CDK5RAP2: variants seen among roughly 807,000 people sequenced by gnomAD.
CDK5RAP2 encodes CDK5 regulatory subunit-associated protein 2.
CDK5RAP2 carries 147 observed loss-of-function variants against 232.9 expected under a neutral mutation model. That is an observed-to-expected ratio of 0.63 (90% CI 0.55 to 0.72). The LOEUF (loss-of-function observed/expected upper bound fraction) is 0.72. CDK5RAP2 is among the 30% of genes least tolerant of loss of function. The probability of loss-of-function intolerance (pLI) is 0.00; values close to 1 mark genes in which losing one functional copy is unlikely to be tolerated. For missense variants in CDK5RAP2, 2,195 were observed against 2,231.5 expected (o/e 0.98, Z 0.33); for synonymous variants, 833 against 833.7 (o/e 1.00, Z 0.01).
intron 17 of CDK5RAP2, among the ~76,000 whole-genome samples, chr9:120,469,088 C>T (rs1474385699): frequency 6.6e-6 from 1 of 152,148 alleles, no homozygotes; most frequent in Non-Finnish European, 1.5e-5. Context: ...CTATTTTCTT[C>T]ATCTTTAAAA....
At chr9:120,391,083 TG>T (rs2031918309) in intron 36 of CDK5RAP2, among the ~76,000 whole-genome samples, 1 of 151,872 alleles carries the variant, frequency 6.6e-6, no homozygotes. Context: ...TGTGTGCAAA[TG>T]GGGGTATGTA....
At chr9:120,409,434 AT>A (rs2033708714) in intron 29 of CDK5RAP2, 118 bp from the exon 30 acceptor site, 1 of 809,380 alleles carries the variant, frequency 1.2e-6, no homozygotes, top group Non-Finnish European at 2.0e-6. Flanking sequence ...GGCATTTATG[AT>A]TTTGGCATTC....
rs112504098 is a variant in CDK5RAP2, at chr9:120,518,335, T to C, written c.1311+92A>G. On this transcript the variant is annotated intron_variant, in intron 12 of 37. Transcript: ENST00000349780. Reference sequence around the variant, plus strand: ...ATAATAAGTGAAATATTTTCTTAAGTCTTCTGTACTGAATATCACCCTACA... The same window carrying C: ...ATAATAAGTGAAATATTTTCTTAAGCCTTCTGTACTGAATATCACCCTACA... The C allele has an allele frequency of 6.7e-4, 663 of 988,076 alleles. 2 individuals are homozygous for C. In the African/African-American group the frequency reaches 9.2e-3, roughly 14 times the overall value. The allele number at this position is 988,076 out of a possible 1,614,324, so 61.2% of individuals were successfully genotyped here.
intron 11 of CDK5RAP2, among the ~76,000 whole-genome samples, chr9:120,522,302 A>T (rs2131865706): frequency 6.6e-6 from 1 of 152,368 alleles, no homozygotes; most frequent in Middle Eastern, 3.4e-3. Context: ...AAAGAATATA[A>T]AGGATGTATA....
chr9:120,426,536 G>C (rs560685709), intron 25 of CDK5RAP2, among the ~76,000 whole-genome samples: 15 of 152,274 alleles, frequency 9.9e-5, no homozygotes, highest in African/African-American at 3.1e-4. Context: ...GTTAAGCTAA[G>C]GGGTTACAGA....
At chr9:120,568,653 G>A (rs2042734838) in intron 2 of CDK5RAP2, among the ~76,000 whole-genome samples, 1 of 152,178 alleles carries the variant, frequency 6.6e-6, no homozygotes, top group Non-Finnish European at 1.5e-5. Context: ...TTGCAAAGCA[G>A]ACTGTCCTGA....
At chr9:120,511,906 T>A (rs1415219015) in intron 12 of CDK5RAP2, among the ~76,000 whole-genome samples, 1 of 151,978 alleles carries the variant, frequency 6.6e-6, no homozygotes, top group Non-Finnish European at 1.5e-5. Context: ...CCCAGCTAAT[T>A]TTTGTATTTT....
chr9:120,493,307 G>A (rs2038997034), intron 12 of CDK5RAP2, among the ~76,000 whole-genome samples: 1 of 152,196 alleles, frequency 6.6e-6, no homozygotes, highest in African/African-American at 2.4e-5. Flanking sequence ...CAAGTTTGTG[G>A]TAATTTGTTG....
At chr9:120,533,467 T>A (rs7867825) in intron 7 of CDK5RAP2, among the ~76,000 whole-genome samples, 127,880 of 151,964 alleles carry the variant, frequency 0.84, 54,842 homozygotes, top group Non-Finnish European at 0.93. Flanking sequence ...CCCAACAAAA[T>A]TCAATAAATT....
At chr9:120,418,297 A>G (rs561076273) in intron 27 of CDK5RAP2, among the ~76,000 whole-genome samples, 1 of 152,346 alleles carries the variant, frequency 6.6e-6, no homozygotes, top group East Asian at 1.9e-4. Flanking sequence ...AAGGTTCTAC[A>G]TTAGAAATAG....
chr9:120,469,864 T>C (rs1484313286), intron 17 of CDK5RAP2, among the ~76,000 whole-genome samples: 1 of 152,072 alleles, frequency 6.6e-6, no homozygotes, highest in Non-Finnish European at 1.5e-5. Flanking sequence ...AACTCTAAAC[T>C]GAGGGGCCAG....
intron 27 of CDK5RAP2, among the ~76,000 whole-genome samples, chr9:120,415,905 A>C (rs898701786): frequency 6.6e-6 from 1 of 152,220 alleles, no homozygotes; most frequent in Non-Finnish European, 1.5e-5. Context: ...CTCCAAATGT[A>C]ACTGTAGTAC....
chr9:120,443,310 C>T (rs2036001246), intron 23 of CDK5RAP2, among the ~76,000 whole-genome samples: 1 of 152,148 alleles, frequency 6.6e-6, no homozygotes, highest in Non-Finnish European at 1.5e-5. Flanking sequence ...GCTGTGGGGT[C>T]CCTAAGAGCA....
rs192940910 is a variant in CDK5RAP2 at position 120,516,522 on chromosome 9, A to T, written c.1311+1905T>A. 7.1e-3 allele frequency among the ~76,000 whole-genome samples: 1,070 copies of T among 151,772 alleles called. 7 individuals are homozygous for T. Among genetic ancestry groups the T allele is most frequent in the Non-Finnish European group, 9.3e-3 (632 of 67,952 alleles). ...CCTAAAACTTAAAGTATAATAATAAAAAATAAAAAATAAAAAATTTTGGCT... is the reference window on the plus strand; with the variant it reads ...CCTAAAACTTAAAGTATAATAATAATAAATAAAAAATAAAAAATTTTGGCT... On this transcript the variant is annotated intron_variant, in intron 12 of 37. Transcript: ENST00000349780.
intron 25 of CDK5RAP2, among the ~76,000 whole-genome samples, chr9:120,423,097 C>T (rs961300399): frequency 6.6e-5 from 10 of 152,212 alleles, no homozygotes; most frequent in African/African-American, 2.2e-4. Flanking sequence ...GGCACTCCCA[C>T]AGCCAAGTTA....
intron 35 of CDK5RAP2, among the ~76,000 whole-genome samples, chr9:120,397,517 C>A (rs2032585444): frequency 7.6e-6 from 1 of 131,484 alleles, no homozygotes; most frequent in Non-Finnish European, 1.5e-5. Context: ...CAGGCATGAG[C>A]CACCATCCCG....
At chr9:120,449,184 G>A (rs925680341) in intron 21 of CDK5RAP2, among the ~76,000 whole-genome samples, 1 of 151,964 alleles carries the variant, frequency 6.6e-6, no homozygotes, top group Non-Finnish European at 1.5e-5. Context: ...TCTACCTCAG[G>A]ACCTTAGCAT....
At chr9:120,502,717 T>C (rs573185646) in intron 12 of CDK5RAP2, among the ~76,000 whole-genome samples, 3 of 152,330 alleles carry the variant, frequency 2.0e-5, no homozygotes, top group African/African-American at 4.8e-5. Context: ...CTAAGGTCCA[T>C]TGACTGGGCC....
intron 15 of CDK5RAP2, among the ~76,000 whole-genome samples, chr9:120,476,981 A>T (rs78810567): frequency 0.021 from 3,133 of 152,248 alleles, 41 homozygotes; most frequent in Non-Finnish European, 0.034. Context: ...AGTTTTCATG[A>T]CCTTATAGAA....
Sources: allele counts gnomAD v4.1 joint callset (sites outside exome capture counted in the v4.1 genomes callset), GRCh38; gene constraint gnomAD v4.1.1; transcripts MANE v1.5; gene names NCBI Gene and HGNC (gene_info 2026-07-23, HGNC 2026-07-21).